The following RABGAP1L variants were observed in gnomAD, a reference collection of about 807,000 sequenced individuals.
The protein encoded by RABGAP1L is RAB GTPase activating protein 1 like.
A neutral mutation model predicts 137.7 loss-of-function variants in RABGAP1L; 63 were observed. That is an observed-to-expected ratio of 0.46 (90% CI 0.37 to 0.56). The LOEUF (loss-of-function observed/expected upper bound fraction) is 0.56. Ranked by LOEUF, RABGAP1L falls within the 20% of genes least tolerant of loss-of-function variation. The pLI, the probability that RABGAP1L is intolerant of heterozygous loss-of-function variation, is 0.00. For synonymous variants in RABGAP1L, 431 were observed against 433.7 expected (o/e 0.99, Z 0.08); for missense variants, 1,095 against 1,244.0 (o/e 0.88, Z 1.80).
chr1:174,188,717 A>T (rs983697884), intron 1 of RABGAP1L, among the ~76,000 whole-genome samples: 15 of 152,322 alleles, frequency 9.8e-5, no homozygotes, highest in African/African-American at 3.4e-4. Context: ...TTTTGAAAGA[A>T]ATCTTTTTTC....
At chr1:174,565,940 C>T (rs955338829) in intron 13 of RABGAP1L, among the ~76,000 whole-genome samples, 23 of 144,174 alleles carry the variant, frequency 1.6e-4, no homozygotes, top group African/African-American at 5.4e-4. Flanking sequence ...GTCTGGAGTG[C>T]AGTGGCAATA....
At chr1:174,477,659 G>A (rs898348281) in intron 13 of RABGAP1L, among the ~76,000 whole-genome samples, 2 of 152,130 alleles carry the variant, frequency 1.3e-5, no homozygotes, top group African/African-American at 2.4e-5. Flanking sequence ...ACTATTTTAT[G>A]TTTAAAACTA....
intron 14 of RABGAP1L, among the ~76,000 whole-genome samples, chr1:174,651,066 T>G (rs1041309333): frequency 5.3e-5 from 8 of 152,030 alleles, no homozygotes; most frequent in African/African-American, 1.9e-4. Context: ...AAGAACATCT[T>G]TATTTCTGCC....
chr1:174,759,985 A>G lies in RABGAP1L; in HGVS notation c.2211+7631A>G, dbSNP rs117242269. Among the ~76,000 whole-genome samples the G allele has an allele frequency of 8.0e-4, 122 of 152,324 alleles. 2 individuals carry two copies. In the East Asian group the frequency reaches 0.022, roughly 27 times the overall value. On this transcript the variant is annotated intron_variant, in intron 18 of 25. Transcript: ENST00000681986. ...CACTTCAACATGAGATTTGGAGGGG[A>G]CAAACATCCAAACCATATCAATATG... is the stretch of plus-strand genomic sequence containing the variant.
Position 174,738,234 on chromosome 1 carries a change from A to G in RABGAP1L, c.2170-14079A>G, listed in dbSNP as rs115463618. On this transcript the variant is annotated intron_variant, in intron 17 of 25. Transcript: ENST00000681986. ...CAAGGCGCCTGGGAAATTAAATCCC[A>G]GTTAGAGAAATAGGAAGACACTCAG... Among the ~76,000 whole-genome samples the G allele has an allele frequency of 9.4e-3, 1,438 of 152,276 alleles. 23 individuals carry two copies. The highest frequency in any genetic ancestry group is 0.033 in the African/African-American group (1,379 of 41,534).
At chr1:174,551,199 A>T (rs992111624) in intron 13 of RABGAP1L, among the ~76,000 whole-genome samples, 1 of 150,082 alleles carries the variant, frequency 6.7e-6, no homozygotes, top group Non-Finnish European at 1.5e-5. Flanking sequence ...ACAGAGCAAG[A>T]CTCCATCTCA....
intron 13 of RABGAP1L, among the ~76,000 whole-genome samples, chr1:174,473,882 A>G (rs1470646875): frequency 6.6e-6 from 1 of 152,214 alleles, no homozygotes; most frequent in Non-Finnish European, 1.5e-5. Context: ...TAGAGATGAG[A>G]AAATGAATGA....
chr1:174,820,752 C>T (rs1399153679), intron 19 of RABGAP1L, among the ~76,000 whole-genome samples: 9 of 152,126 alleles, frequency 5.9e-5, no homozygotes, highest in African/African-American at 1.9e-4. Context: ...GCCCTGGGCT[C>T]GCCCCTGTAA....
chr1:174,481,634 C>G (rs573622746), intron 13 of RABGAP1L, among the ~76,000 whole-genome samples: 5 of 152,088 alleles, frequency 3.3e-5, no homozygotes, highest in African/African-American at 1.2e-4. Context: ...ACTACTCTAG[C>G]AGATGTTAAA....
At chr1:174,930,013 A>ATTTT (rs769683894) in intron 19 of RABGAP1L, among the ~76,000 whole-genome samples, 10 of 132,970 alleles carry the variant, frequency 7.5e-5, no homozygotes, top group Non-Finnish European at 1.6e-4. Flanking sequence ...ACCATGCCAG[A>ATTTT]TTTTTTTTTT....
At chr1:174,958,194 G>A in intron 20 of RABGAP1L, 1 of 1,375,722 alleles carries the variant, frequency 7.3e-7, no homozygotes, top group Non-Finnish European at 9.6e-7. Context: ...CACAGTAGTG[G>A]TGTTTGTTGC....
At chr1:174,635,948 G>T (rs1208708089) in intron 13 of RABGAP1L, among the ~76,000 whole-genome samples, 1 of 151,944 alleles carries the variant, frequency 6.6e-6, no homozygotes, top group Non-Finnish European at 1.5e-5. Context: ...TTTCTTTCTT[G>T]ATTTGAGACT....
intron 13 of RABGAP1L, among the ~76,000 whole-genome samples, chr1:174,531,490 C>G (rs968767950): frequency 2.0e-5 from 3 of 152,020 alleles, no homozygotes; most frequent in Non-Finnish European, 4.4e-5. Context: ...AGGATGTTTT[C>G]TGGTATTGAG....
chr1:174,634,860 A>C (rs1673810507), intron 13 of RABGAP1L, among the ~76,000 whole-genome samples: 1 of 133,008 alleles, frequency 7.5e-6, no homozygotes, highest in South Asian at 2.5e-4. Flanking sequence ...AGGAAGGGGA[A>C]TATCACACTC....
At chr1:174,269,759 A>G (rs1196447778) in intron 7 of RABGAP1L, among the ~76,000 whole-genome samples, 1 of 152,170 alleles carries the variant, frequency 6.6e-6, no homozygotes, top group African/African-American at 2.4e-5. Flanking sequence ...ACTTACAGGT[A>G]TTTTAGAACG....
chr1:174,616,649 AT>A (rs1486280413), intron 13 of RABGAP1L, among the ~76,000 whole-genome samples: 1 of 152,206 alleles, frequency 6.6e-6, no homozygotes, highest in Non-Finnish European at 1.5e-5. Flanking sequence ...CAAAATAATT[AT>A]TTGTATGTCA....
intron 18 of RABGAP1L, among the ~76,000 whole-genome samples, chr1:174,810,570 T>C (rs1428082610): frequency 6.6e-6 from 1 of 152,192 alleles, no homozygotes; most frequent in East Asian, 1.9e-4. Context: ...AGTAATATTT[T>C]GACACAGCAT....
chr1:174,482,489 T>C (rs1659206436), intron 13 of RABGAP1L, among the ~76,000 whole-genome samples: 1 of 152,204 alleles, frequency 6.6e-6, no homozygotes, highest in African/African-American at 2.4e-5. Context: ...GATTTATTCT[T>C]CTTTCTTTTT....
chr1:174,815,092 T>C (rs1046030483), intron 19 of RABGAP1L, among the ~76,000 whole-genome samples: 6 of 152,220 alleles, frequency 3.9e-5, no homozygotes, highest in African/African-American at 1.4e-4. Flanking sequence ...TTACAATAGC[T>C]TGTAGTTTTG....
Sources: gnomAD v4.1 joint callset for allele counts (sites outside exome capture counted in the v4.1 genomes callset) on GRCh38, gnomAD v4.1.1 for gene constraint, MANE v1.5 for transcripts, NCBI Gene and HGNC (gene_info 2026-07-23, HGNC 2026-07-21) for gene names.